The following ATP8B4 variants were observed in gnomAD, a reference collection of about 807,000 sequenced individuals.
ATP8B4 encodes ATPase phospholipid transporting 8B4 (putative), also known as probable phospholipid-transporting ATPase IM.
Under a neutral mutation model 145.6 loss-of-function variants are expected in ATP8B4, and 133 were observed. The observed-to-expected ratio is 0.91, with a 90% CI of 0.79 to 1.05. The LOEUF (loss-of-function observed/expected upper bound fraction) is 1.05, where lower values mean the gene tolerates loss of function less well. Among genes scored for constraint, ATP8B4 ranks in the 50% least tolerant of loss-of-function variants. The pLI, the probability that ATP8B4 is intolerant of heterozygous loss-of-function variation, is 0.00. For synonymous variants in ATP8B4, 507 were observed against 492.9 expected, an observed-to-expected ratio of 1.03 and a Z score of -0.38; for missense variants, 1,458 against 1,425.2, an observed-to-expected ratio of 1.02 and a Z score of -0.37.
chr15:50,161,212 G>A (rs1025709633), intron 1 of ATP8B4, among the ~76,000 whole-genome samples: 1 of 151,842 alleles, frequency 6.6e-6, no homozygotes, highest in Non-Finnish European at 1.5e-5. Context: ...GTTTCCATTG[G>A]CATGGAGTAT....
At chr15:50,129,763 C>G (rs1261269131) in intron 1 of ATP8B4, among the ~76,000 whole-genome samples, 1 of 151,958 alleles carries the variant, frequency 6.6e-6, no homozygotes, top group Non-Finnish European at 1.5e-5. Flanking sequence ...TCCTTGGCAA[C>G]ATGGTGAAAC....
At chr15:49,996,603 G>T in intron 9 of ATP8B4, 74 bp downstream of exon 9, 3 of 1,164,426 alleles carry the variant, frequency 2.6e-6, no homozygotes, top group South Asian at 3.0e-5. Flanking sequence ...AACATAAATT[G>T]GATCTCACAT....
chr15:49,859,194 T>TATCAAAA lies in ATP8B4; in HGVS notation c.*993_*999dup, dbSNP rs1378685686. 5.9e-5 allele frequency: 9 copies of TATCAAAA among 152,222 alleles called. No homozygotes were observed. Among genetic ancestry groups the TATCAAAA allele is most frequent in the African/African-American group, 2.2e-4 (9 of 41,460 alleles). The allele number at this position is 152,222 out of a possible 1,614,324, so 9.4% of individuals were successfully genotyped here. The stretch of plus-strand genomic sequence containing the variant: ...TTGAATTATAAACATGACAGCTGAG[T>TATCAAAA]ATCAAAAGCAACTAATTTTAAACAA... On this transcript the variant is annotated 3_prime_UTR_variant, in exon 28 of 28. Coordinates refer to ENST00000284509, the MANE Select transcript of ATP8B4 (RefSeq NM_024837.4).
chr15:50,140,548 C>T (rs1362023668), intron 1 of ATP8B4, among the ~76,000 whole-genome samples: 1 of 152,158 alleles, frequency 6.6e-6, no homozygotes, highest in Non-Finnish European at 1.5e-5. Flanking sequence ...TTAAGAGTGC[C>T]ATAAATGTCA....
chr15:49,922,473 C>A, intron 17 of ATP8B4: 1 of 399,948 alleles, frequency 2.5e-6, no homozygotes, highest in Non-Finnish European at 4.8e-6. Context: ...TGTTTGTAAC[C>A]AATATTACCA....
In ATP8B4 at chr15:49,987,355, G is replaced by T. The variant is rs1371104115; in HGVS notation, c.748+36C>A. The T allele has an allele frequency of 6.2e-6, 10 of 1,603,294 alleles. No individual in the cohort carries two copies. The East Asian group carries it at 6.7e-5, about 11-fold the overall frequency. On this transcript the variant is annotated intron_variant, in intron 10 of 27. Coordinates refer to ENST00000284509, the MANE Select transcript of ATP8B4 (RefSeq NM_024837.4). ...TGTGCTGGTGTACGTTGCAGGAAAG[G>T]TTCCCACAGAGCTGGCCTTGGGTCA...
intron 9 of ATP8B4, among the ~76,000 whole-genome samples, chr15:49,989,765 T>C (rs1349797699): frequency 1.3e-5 from 2 of 152,080 alleles, no homozygotes; most frequent in Non-Finnish European, 2.9e-5. Context: ...TACATTTGTT[T>C]TTATCATCAG....
intron 12 of ATP8B4, among the ~76,000 whole-genome samples, chr15:49,973,452 T>G (rs966952094): frequency 7.2e-5 from 11 of 152,156 alleles, no homozygotes; most frequent in African/African-American, 2.4e-4. Context: ...ATTGAGAACA[T>G]TCTCTCCAAT....
chr15:49,936,909 T>A (rs564312388), intron 14 of ATP8B4, among the ~76,000 whole-genome samples: 1 of 152,092 alleles, frequency 6.6e-6, no homozygotes, highest in South Asian at 2.1e-4. Flanking sequence ...TTGAATGTTT[T>A]GGTTTGTCAA....
At chr15:50,002,750 A>G (rs1157454826) in intron 7 of ATP8B4, among the ~76,000 whole-genome samples, 3 of 152,138 alleles carry the variant, frequency 2.0e-5, no homozygotes, top group Non-Finnish European at 2.9e-5. Flanking sequence ...GATGGTAGGG[A>G]GTAAGAAAGA....
chr15:49,948,761 T>C (rs1462423813), intron 14 of ATP8B4, among the ~76,000 whole-genome samples: 1 of 152,230 alleles, frequency 6.6e-6, no homozygotes, highest in African/African-American at 2.4e-5. Context: ...CTGTTCACTC[T>C]GATGATAGTT....
intron 23 of ATP8B4, among the ~76,000 whole-genome samples, chr15:49,892,380 A>C (rs2036927318): frequency 6.6e-6 from 1 of 152,220 alleles, no homozygotes; most frequent in Non-Finnish European, 1.5e-5. Context: ...ACTTTGCAGA[A>C]GTTTAAACGT....
Position 50,038,422 on chromosome 15 carries a change from C to T in ATP8B4, c.362+346G>A, listed in dbSNP as rs568981582. Among the ~76,000 whole-genome samples, 198 of 152,218 alleles carry T rather than the reference C, an allele frequency of 1.3e-3. 1 individual carries two copies. The highest frequency in any genetic ancestry group is 4.6e-3 in the African/African-American group (192 of 41,528). On this transcript the variant is annotated intron_variant, in intron 6 of 27. Transcript: ENST00000284509. ...CTCTAGCAATATTCCCCAGAAATTA[C>T]CAAATTAAATAATTCACACACTCAT...
intron 2 of ATP8B4, among the ~76,000 whole-genome samples, chr15:50,102,795 A>AAC (rs1337391766): frequency 2.6e-5 from 4 of 151,794 alleles, no homozygotes; most frequent in Non-Finnish European, 5.9e-5. Flanking sequence ...ACAAAAAAAA[A>AAC]AAAACTACAG....
intron 9 of ATP8B4, among the ~76,000 whole-genome samples, chr15:49,993,195 G>A (rs1954396546): frequency 6.6e-6 from 1 of 152,010 alleles, no homozygotes; most frequent in African/African-American, 2.4e-5. Flanking sequence ...CTAATATGGA[G>A]AGAGTGATAA....
intron 2 of ATP8B4, among the ~76,000 whole-genome samples, chr15:50,093,925 C>T (rs1460846592): frequency 1.3e-5 from 2 of 152,112 alleles, no homozygotes; most frequent in Non-Finnish European, 2.9e-5. Flanking sequence ...ATTGATCTTC[C>T]AGGACTATAC....
intron 6 of ATP8B4, among the ~76,000 whole-genome samples, chr15:50,022,963 A>G (rs1444351483): frequency 1.3e-5 from 2 of 152,180 alleles, no homozygotes; most frequent in African/African-American, 4.8e-5. Flanking sequence ...ATATATCTAT[A>G]TGATAATTTT....
chr15:49,987,062 A>G (rs1225982415), intron 10 of ATP8B4, among the ~76,000 whole-genome samples: 1 of 152,234 alleles, frequency 6.6e-6, no homozygotes, highest in African/African-American at 2.4e-5. Context: ...CTTTAAAGGC[A>G]GATTCATACA....
At chr15:50,122,390 C>T (rs1260773758), upstream of ATP8B4, among the ~76,000 whole-genome samples, 3 of 152,094 alleles carry the variant, frequency 2.0e-5, no homozygotes, top group Non-Finnish European at 4.4e-5. Context: ...CAATTTAAGT[C>T]TCTGACATTG....
Sources: gnomAD v4.1 joint callset for allele counts (sites outside exome capture counted in the v4.1 genomes callset) on GRCh38, gnomAD v4.1.1 for gene constraint, MANE v1.5 for transcripts, NCBI Gene and HGNC (gene_info 2026-07-23, HGNC 2026-07-21) for gene names.